The following SPNS2 variants were observed in gnomAD, a reference collection of about 807,000 sequenced individuals.
The protein encoded by SPNS2 is sphingosine-1-phosphate transporter SPNS2.
Under a neutral mutation model 57.6 loss-of-function variants are expected in SPNS2, and 37 were observed. The observed-to-expected ratio is 0.64, with a 90% CI of 0.49 to 0.85. The LOEUF (loss-of-function observed/expected upper bound fraction) is 0.85. Ranked by LOEUF, SPNS2 falls within the 40% of genes least tolerant of loss-of-function variation. The pLI is 0.00. For synonymous variants in SPNS2, 440 were observed against 346.9 expected, an observed-to-expected ratio of 1.27 and a Z score of -2.98; for missense variants, 831 against 779.1, an observed-to-expected ratio of 1.07 and a Z score of -0.79.
intron 2 of SPNS2, among the ~76,000 whole-genome samples, chr17:4,520,443 A>AC (rs34511864): frequency 1.7e-4 from 26 of 150,302 alleles, no homozygotes; most frequent in South Asian, 1.3e-3. Flanking sequence ...GTCCCTCGTC[A>AC]CCCCCCCGGG....
rs1904375420 is a variant in SPNS2, at chr17:4,499,199, C to T, written c.152C>T (p.Ser51Leu). 2 of 1,377,576 alleles carry T rather than the reference C, an allele frequency of 1.5e-6. No homozygotes were observed. The highest frequency in any genetic ancestry group is 1.9e-6 in the Non-Finnish European group (2 of 1,066,002). 85.3% of individuals were successfully genotyped at this position (1,377,576 alleles called of 1,614,324 possible). Residue 51 changes from serine to leucine, a missense_variant, in exon 1 of 13, where the codon TCG (serine) becomes TTG (leucine). By Grantham distance (145) the Ser-to-Leu change is moderately radical (BLOSUM62 -2). Around this residue, in one of 2 missense-constraint regions of SPNS2, gnomAD observed 305 missense variants for 378.3 expected, o/e 0.81. Transcript: ENST00000329078. The surrounding 1 kb of genome is among the most constrained non-coding windows in gnomAD (Gnocchi z 5.2). ...CGGGGCGCGGGCGGCGCTGGAGTCT[C>T]GGCCGCGGGCGATGAGGTGCAGACG... Reference protein sequence around the residue: ...GARGAGGAGVSAAGDEVQTLS... With the variant: ...GARGAGGAGVLAAGDEVQTLS...
chr17:4,519,554 CG>C (rs1453503480), intron 2 of SPNS2, among the ~76,000 whole-genome samples: 3 of 152,182 alleles, frequency 2.0e-5, no homozygotes, highest in Non-Finnish European at 4.4e-5. Context: ...CCTGCCCGCT[CG>C]GCCCTGGCTC....
intron 3 of SPNS2, among the ~76,000 whole-genome samples, chr17:4,526,761 C>G (rs116210912): frequency 6.6e-6 from 1 of 152,058 alleles, no homozygotes; most frequent in Non-Finnish European, 1.5e-5. Flanking sequence ...AGAACAATGG[C>G]GGGGTCAGAT....
Position 4,519,605 on chromosome 17 carries a change from G to GCACACGTGAGCTGAGCGAGAGCTTCCC in SPNS2, c.437-5447_437-5446insGTGAGCTGAGCGAGAGCTTCCCCACAC, listed in dbSNP as rs71147065. Among the ~76,000 whole-genome samples, 14 of 151,912 alleles carry GCACACGTGAGCTGAGCGAGAGCTTCCC rather than the reference G, an allele frequency of 9.2e-5. No individual in the cohort carries two copies. In the East Asian group the frequency reaches 2.7e-3, roughly 30 times the overall value. Reference sequence around the variant, plus strand: ...CCATTGTCCTAGACCTGTGGGCTCAGCACACCCTCCACAGGATGTCCCTGC... The same window carrying GCACACGTGAGCTGAGCGAGAGCTTCCC: ...CCATTGTCCTAGACCTGTGGGCTCAGCACACGTGAGCTGAGCGAGAGCTTCCCCACACCCTCCACAGGATGTCCCTGC... On this transcript the variant is annotated intron_variant, in intron 2 of 12. Transcript: ENST00000329078.
intron 11 of SPNS2, 44 bp from the exon 12 acceptor site, chr17:4,536,856 C>T (rs557311848): frequency 6.4e-7 from 1 of 1,557,458 alleles, no homozygotes; most frequent in Non-Finnish European, 8.8e-7. Context: ...CGGGCCCGGC[C>T]CCCGCTGATG....
In SPNS2 at chr17:4,532,719, A is replaced by G. The variant is rs78532888; in HGVS notation, c.935+35A>G. The G allele has an allele frequency of 3.3e-3, 5,254 of 1,603,784 alleles. 156 individuals carry two copies. The African/African-American group carries it at 0.064, about 20-fold the overall frequency. On this transcript the variant is annotated intron_variant, in intron 6 of 12. Coordinates refer to ENST00000329078, the MANE Select transcript of SPNS2 (RefSeq NM_001124758.3). ...GCGGGAAGGGGTCTGGTGGGAAGAG[A>G]GAGGGGTGCTGAGATGAGAGGGCCT...
chr17:4,514,288 G>A (rs911844834), intron 2 of SPNS2, among the ~76,000 whole-genome samples: 14 of 152,210 alleles, frequency 9.2e-5, no homozygotes, highest in African/African-American at 1.7e-4. Context: ...GTGAGCCCCC[G>A]TCAGATGCAG....
chr17:4,536,012 G>A (rs1203134437), intron 9 of SPNS2, 64 bp from the exon 10 acceptor site: 35 of 1,440,272 alleles, frequency 2.4e-5, no homozygotes, highest in East Asian at 1.8e-4. Flanking sequence ...GCCACGGCCC[G>A]GGGCCAGGGC....
intron 6 of SPNS2, 145 bp from the exon 7 acceptor site, chr17:4,532,832 T>C: frequency 6.9e-6 from 10 of 1,456,072 alleles, no homozygotes; most frequent in Non-Finnish European, 8.3e-6. Flanking sequence ...GGCCCCAGAA[T>C]CGATTATTCC....
rs1347727700 is a variant in SPNS2 at position 4,533,604 on chromosome 17, C to A, written c.1278+172C>A. On this transcript the variant is annotated intron_variant, in intron 8 of 12. Coordinates refer to ENST00000329078, the MANE Select transcript of SPNS2 (RefSeq NM_001124758.3). ...TGGCCACACACAGCCTGTCCAGGGC[C>A]TCTGGGTGCCTCAGGGCCGTGGGCA... The A allele has an allele frequency of 8.1e-6, 8 of 988,810 alleles. No homozygotes were observed. In the East Asian group the frequency reaches 2.1e-4, roughly 26 times the overall value. The allele number at this position is 988,810 out of a possible 1,614,324, so 61.3% of individuals were successfully genotyped here. A position where few individuals can be genotyped will look rare whatever the true frequency, so the allele number is the denominator to read the frequency against.
At chr17:4,508,335 A>G (rs955788946) in intron 1 of SPNS2, among the ~76,000 whole-genome samples, 6 of 152,214 alleles carry the variant, frequency 3.9e-5, no homozygotes, top group Admixed American at 2.6e-4. Context: ...TCACCTGGGC[A>G]GTGCGTTTAT....
chr17:4,528,298 T>C lies in SPNS2; in HGVS notation c.574-2334T>C, dbSNP rs188111395. Among the ~76,000 whole-genome samples, 395 of 151,848 alleles carry C rather than the reference T, an allele frequency of 2.6e-3. 1 individual carries two copies. Among genetic ancestry groups the C allele is most frequent in the Non-Finnish European group, 4.6e-3 (314 of 67,920 alleles). ...TCAGCCTCCTAAAGTGCTGGAATTA[T>C]AGGTGTGAGCCACTGTGCCGGGCCC... is the stretch of plus-strand genomic sequence containing the variant. On this transcript the variant is annotated intron_variant, in intron 3 of 12. Coordinates refer to ENST00000329078, the MANE Select transcript of SPNS2 (RefSeq NM_001124758.3).
rs1488042066 is a variant in SPNS2 at position 4,532,635 on chromosome 17, C to G, written c.886C>G (p.Leu296Val). Residue 296 changes from leucine to valine, a missense_variant, in exon 6 of 13, where the codon CTC (leucine) becomes GTC (valine). Physicochemically the swap from Leu to Val is conservative, Grantham distance 32 (BLOSUM62 1). This residue lies in a region of SPNS2 where 526 missense variants were observed against 400.9 expected (regional missense o/e 1.31). Transcript: ENST00000329078. ...RGHADQLGDQ[L>V]KARTSWLRDM... ...TCATGCCGACCAGCTCGGGGACCAG[C>G]TCAAGGCCCGGACCTCATGGCTCCG... 1.9e-6 allele frequency: 3 copies of G among 1,614,142 alleles called. No individual in the cohort carries two copies. Among genetic ancestry groups the G allele is most frequent in the Admixed American group, 1.7e-5 (1 of 60,028 alleles).
chr17:4,502,690 G>A (rs79197483), intron 1 of SPNS2, among the ~76,000 whole-genome samples: 203 of 152,296 alleles, frequency 1.3e-3, no homozygotes, highest in Non-Finnish European at 2.4e-3. Flanking sequence ...ACTGTATCTC[G>A]AGCACCTGGG....
intron 11 of SPNS2, 60 bp from the exon 12 acceptor site, chr17:4,536,840 A>G (rs1225497961): frequency 7.2e-7 from 1 of 1,389,558 alleles, no homozygotes; most frequent in Non-Finnish European, 1.0e-6. Flanking sequence ...GTGCCAGAGC[A>G]GTGCCCGGGC....
At chr17:4,531,756 G>A (rs145310975) in intron 5 of SPNS2, among the ~76,000 whole-genome samples, 304 of 152,132 alleles carry the variant, frequency 2.0e-3, no homozygotes, top group Middle Eastern at 3.4e-3. Context: ...TCCCAGTCCC[G>A]GGGGCATGGG....
intron 2 of SPNS2, among the ~76,000 whole-genome samples, chr17:4,518,651 G>A (rs890629777): frequency 3.3e-5 from 5 of 152,200 alleles, no homozygotes; most frequent in Admixed American, 2.6e-4. Flanking sequence ...AGGCTCACGA[G>A]GAAGTGCCAG....
At chr17:4,504,724 T>C (rs1226354026) in intron 1 of SPNS2, among the ~76,000 whole-genome samples, 1 of 152,082 alleles carries the variant, frequency 6.6e-6, no homozygotes, top group Non-Finnish European at 1.5e-5. Context: ...TCCCTAGGCT[T>C]CTGGGGCTGG....
Position 4,499,109 on chromosome 17 carries a change from C to T in SPNS2, c.62C>T (p.Ala21Val). Residue 21 changes from alanine (A) to valine (V), a missense_variant, in exon 1 of 13, where the codon GCG becomes GTG. Coordinates refer to ENST00000329078, the MANE Select transcript of SPNS2 (RefSeq NM_001124758.3). The surrounding 1 kb of genome is among the most constrained non-coding windows in gnomAD (Gnocchi z 5.2). ...AGGAEEEEAD[A>V]ERRRRRRGAQ... ...GGCGCGGAGGAGGAGGAGGCGGACGCGGAGCGGCGGCGCCGGCGCCGGGGG... is the reference window on the plus strand; with the variant it reads ...GGCGCGGAGGAGGAGGAGGCGGACGTGGAGCGGCGGCGCCGGCGCCGGGGG... The T allele has an allele frequency of 9.2e-7, 1 of 1,092,760 alleles. No homozygotes were observed. The highest frequency in any genetic ancestry group is 1.1e-6 in the Non-Finnish European group (1 of 900,048). 67.7% of individuals were successfully genotyped at this position (1,092,760 alleles called of 1,614,324 possible).
Sources: allele counts gnomAD v4.1 joint callset (sites outside exome capture counted in the v4.1 genomes callset), GRCh38; gene constraint gnomAD v4.1.1; regional missense constraint gnomAD v4.1.1; non-coding constraint Gnocchi (gnomAD v3.1); transcripts MANE v1.5; gene names NCBI Gene and HGNC (gene_info 2026-07-23, HGNC 2026-07-21).